PPARGC1A: variants seen among roughly 807,000 people sequenced by gnomAD.
PPARGC1A encodes the protein PPARG coactivator 1 alpha.
In PPARGC1A, 25 loss-of-function variants were observed where a neutral mutation model predicts 88.7. The ratio of observed to expected loss-of-function variants is 0.28; its 90% CI spans 0.21 to 0.39. The LOEUF is 0.39. Among genes scored for constraint, PPARGC1A ranks in the 10% least tolerant of loss-of-function variants. PPARGC1A has a pLI of 1.00. For synonymous variants in PPARGC1A, 363 were observed against 355.6 expected (o/e 1.02, Z -0.24); for missense variants, 880 against 968.7 (o/e 0.91, Z 1.22).
chr4:24,292,098 G>C, the PPARGC1A span, among the ~76,000 whole-genome samples: 1 of 152,144 alleles, frequency 6.6e-6, no homozygotes, highest in Non-Finnish European at 1.5e-5. Context: ...GATGCTGTGG[G>C]AGATTCAGCC....
the PPARGC1A span, among the ~76,000 whole-genome samples, chr4:24,182,101 T>C: frequency 6.6e-6 from 1 of 152,252 alleles, no homozygotes; most frequent in Non-Finnish European, 1.5e-5. Flanking sequence ...CATATAGGTT[T>C]TAAGTCCCGC....
chr4:23,889,102 T>C, intron 1 of PPARGC1A: 3 of 985,362 alleles, frequency 3.0e-6, no homozygotes, highest in Non-Finnish European at 3.6e-6. Context: ...CTGTATGAAT[T>C]GTAGCCAGCA....
the PPARGC1A span, among the ~76,000 whole-genome samples, chr4:24,143,693 T>TGATCAC: frequency 6.6e-6 from 1 of 152,266 alleles, no homozygotes; most frequent in African/African-American, 2.4e-5. Context: ...CTAACTATTT[T>TGATCAC]GATCACTTTT....
the PPARGC1A span, among the ~76,000 whole-genome samples, chr4:24,315,692 C>T: frequency 3.9e-5 from 6 of 152,290 alleles, no homozygotes; most frequent in South Asian, 1.0e-3. Flanking sequence ...ACGCTACTGG[C>T]ATCTAGTGGG....
the PPARGC1A span, among the ~76,000 whole-genome samples, chr4:24,077,095 C>T: frequency 5.9e-5 from 9 of 152,154 alleles, no homozygotes; most frequent in East Asian, 1.4e-3. Flanking sequence ...AGATCAGTTC[C>T]ACTTTTTTCC....
At chr4:24,298,030 G>A in the PPARGC1A span, among the ~76,000 whole-genome samples, 2 of 152,138 alleles carry the variant, frequency 1.3e-5, no homozygotes, top group Non-Finnish European at 2.9e-5. Flanking sequence ...GGAGATAACA[G>A]AAACTGATAG....
In PPARGC1A at chr4:23,804,245, T is replaced by C. The variant is rs116844182; in HGVS notation, c.2020-1900A>G. On this transcript the variant is annotated intron_variant, in intron 10 of 12. Transcript: ENST00000264867. ...TTCTTTCCCAATGTTCTTGTATTAG[T>C]GAAATGAACACCATCTAGCCAGTTA... Among the ~76,000 whole-genome samples the C allele has an allele frequency of 7.3e-4, 111 of 152,260 alleles. 3 individuals are homozygous for C. The East Asian group carries it at 0.02, about 27-fold the overall frequency.
intron 2 of PPARGC1A, among the ~76,000 whole-genome samples, chr4:23,852,231 C>A (rs1729423040): frequency 6.6e-6 from 1 of 152,194 alleles, no homozygotes; most frequent in African/African-American, 2.4e-5. Flanking sequence ...ACATACGTTT[C>A]ATTTGGTGAG....
At chr4:23,809,517 G>A (rs1430837991) in intron 10 of PPARGC1A, among the ~76,000 whole-genome samples, 1 of 151,986 alleles carries the variant, frequency 6.6e-6, no homozygotes. Flanking sequence ...ATAAGCTATA[G>A]CCGCTGTCTA....
chr4:24,373,075 T>C, the PPARGC1A span, among the ~76,000 whole-genome samples: 1 of 152,142 alleles, frequency 6.6e-6, no homozygotes, highest in Non-Finnish European at 1.5e-5. Context: ...CACAGTCCAG[T>C]TCTACATTCT....
the PPARGC1A span, among the ~76,000 whole-genome samples, chr4:24,252,584 C>T: frequency 6.6e-6 from 1 of 152,212 alleles, no homozygotes; most frequent in Non-Finnish European, 1.5e-5. Flanking sequence ...GATTCTTAGA[C>T]AGATGCCCAA....
At chr4:23,986,815 A>G in the PPARGC1A span, among the ~76,000 whole-genome samples, 1 of 152,094 alleles carries the variant, frequency 6.6e-6, no homozygotes, top group Admixed American at 6.6e-5. Flanking sequence ...ACAATGAGGC[A>G]TTATTGAGCC....
At chr4:24,195,758 T>C in the PPARGC1A span, among the ~76,000 whole-genome samples, 1 of 152,234 alleles carries the variant, frequency 6.6e-6, no homozygotes, top group Non-Finnish European at 1.5e-5. Context: ...TTTTCATTTT[T>C]ATGCCTCGCT....
At chr4:23,925,601 T>C in the PPARGC1A span, among the ~76,000 whole-genome samples, 2 of 152,094 alleles carry the variant, frequency 1.3e-5, no homozygotes, top group African/African-American at 4.8e-5. Context: ...ATTTTGAGGA[T>C]GATGAGAGAA....
the PPARGC1A span, among the ~76,000 whole-genome samples, chr4:23,960,371 C>CA: frequency 1.3e-5 from 2 of 151,996 alleles, no homozygotes; most frequent in African/African-American, 4.8e-5. Context: ...CCTCACACAA[C>CA]AAAAAAATTA....
At chr4:23,801,630 T>C in intron 12 of PPARGC1A, 100 bp downstream of exon 12, 1 of 1,289,672 alleles carries the variant, frequency 7.8e-7, no homozygotes, top group Non-Finnish European at 1.1e-6. Flanking sequence ...TTTAGTAAAA[T>C]AAAGTGATGG....
the PPARGC1A span, among the ~76,000 whole-genome samples, chr4:23,996,196 T>C: frequency 1.3e-5 from 2 of 152,186 alleles, no homozygotes; most frequent in Non-Finnish European, 2.9e-5. Context: ...TTTTGACTGG[T>C]ACTTTTCCTA....
At chr4:24,470,271 G>GACACACACACACACACACACACAC in the PPARGC1A span, among the ~76,000 whole-genome samples, 3 of 71,968 alleles carry the variant, frequency 4.2e-5, no homozygotes, top group Non-Finnish European at 8.8e-5. The surrounding 1 kb of genome is among the most constrained non-coding windows in gnomAD (Gnocchi z 5.8). Context: ...CTCATCGACA[G>GACACACACACACACACACACACAC]ACACAGACAC....
At chr4:24,390,116 A>G in the PPARGC1A span, among the ~76,000 whole-genome samples, 1 of 151,950 alleles carries the variant, frequency 6.6e-6, no homozygotes, top group Non-Finnish European at 1.5e-5. Flanking sequence ...AAAAAGCAGC[A>G]CTGTGAAAAC....
Sources: allele counts gnomAD v4.1 joint callset (sites outside exome capture counted in the v4.1 genomes callset), GRCh38; gene constraint gnomAD v4.1.1; non-coding constraint Gnocchi (gnomAD v3.1); transcripts MANE v1.5; gene names NCBI Gene and HGNC (gene_info 2026-07-23, HGNC 2026-07-21).